NRXN3: variants seen among roughly 807,000 people sequenced by gnomAD.
NRXN3 encodes neurexin 3.
In NRXN3, 32 loss-of-function variants were observed where a neutral mutation model predicts 137.6. The ratio of observed to expected loss-of-function variants is 0.23; its 90% CI spans 0.18 to 0.31. The LOEUF is 0.31. Ranked by LOEUF, NRXN3 falls within the 10% of genes least tolerant of loss-of-function variation. The pLI, the probability that NRXN3 is intolerant of heterozygous loss-of-function variation, is 1.00. For synonymous variants in NRXN3, 798 were observed against 784.5 expected, an observed-to-expected ratio of 1.02 and a Z score of -0.29; for missense variants, 1,574 against 2,062.5, an observed-to-expected ratio of 0.76 and a Z score of 4.59.
chr14:79,863,686 A>G lies in NRXN3; in HGVS notation c.*1722A>G, dbSNP rs1418195037. ...TTTTTGTAAAGAGGAAACAATGTAC[A>G]GAAAAACAATAAACTGGTTGTATGG... On this transcript the variant is annotated 3_prime_UTR_variant, in exon 21 of 21. Transcript: ENST00000335750. 1.3e-5 allele frequency: 2 copies of G among 152,644 alleles called. No homozygotes were observed. Among genetic ancestry groups the G allele is most frequent in the African/African-American group, 4.8e-5 (2 of 41,452 alleles). 9.5% of individuals were successfully genotyped at this position (152,644 alleles called of 1,614,324 possible). A position where few individuals can be genotyped will look rare whatever the true frequency, so the allele number is the denominator to read the frequency against.
intron 4 of NRXN3, among the ~76,000 whole-genome samples, chr14:78,466,667 G>A (rs2095116271): frequency 6.6e-6 from 1 of 152,182 alleles, no homozygotes; most frequent in Non-Finnish European, 1.5e-5. Context: ...ATTTTCAGAT[G>A]CAAAGTAAAG....
chr14:79,766,965 T>C (rs754952739), intron 19 of NRXN3, among the ~76,000 whole-genome samples: 2 of 152,168 alleles, frequency 1.3e-5, no homozygotes, highest in East Asian at 1.9e-4. Flanking sequence ...CAGGAAGTGG[T>C]AGATGGCAGA....
chr14:78,268,728 G>C (rs977965706), intron 2 of NRXN3, among the ~76,000 whole-genome samples: 3 of 152,174 alleles, frequency 2.0e-5, no homozygotes, highest in Admixed American at 6.5e-5. Context: ...TAGTTTCCTT[G>C]TCTGTTAAGT....
chr14:79,448,910 G>C (rs145821360), intron 15 of NRXN3, among the ~76,000 whole-genome samples: 1 of 152,328 alleles, frequency 6.6e-6, no homozygotes, highest in Non-Finnish European at 1.5e-5. Flanking sequence ...GAGGGAAAGT[G>C]AGCCAGCAGG....
chr14:78,728,655 T>C (rs1177082372), intron 8 of NRXN3, among the ~76,000 whole-genome samples: 1 of 152,066 alleles, frequency 6.6e-6, no homozygotes, highest in African/African-American at 2.4e-5. Context: ...CCCAGTGCTT[T>C]GGGAGATAGA....
chr14:78,218,765 C>T (rs2063539784), intron 1 of NRXN3, among the ~76,000 whole-genome samples: 1 of 152,170 alleles, frequency 6.6e-6, no homozygotes, highest in African/African-American at 2.4e-5. Context: ...GGTACCTAAG[C>T]TGTGAGAGTT....
intron 4 of NRXN3, 139 bp downstream of exon 4, chr14:78,297,999 C>G: frequency 2.1e-6 from 2 of 941,854 alleles, no homozygotes; most frequent in Non-Finnish European, 1.6e-6. Context: ...GGCTGCAGGA[C>G]CACCCTGCAG....
chr14:78,331,281 C>T (rs560767239), intron 4 of NRXN3, among the ~76,000 whole-genome samples: 73 of 152,266 alleles, frequency 4.8e-4, no homozygotes, highest in African/African-American at 1.5e-3. Flanking sequence ...CATGATTAGC[C>T]TTCTTTTTCT....
chr14:79,291,029 CAG>C (rs1598359280), intron 15 of NRXN3, among the ~76,000 whole-genome samples: 1 of 152,122 alleles, frequency 6.6e-6, no homozygotes, highest in East Asian at 1.9e-4. Flanking sequence ...ATAATTTGGG[CAG>C]AGAGAGGATC....
chr14:79,102,684 G>A (rs1184703678), intron 15 of NRXN3, among the ~76,000 whole-genome samples: 1 of 152,152 alleles, frequency 6.6e-6, no homozygotes, highest in Non-Finnish European at 1.5e-5. Flanking sequence ...GAGTGGTGGT[G>A]TCATAAAAAT....
chr14:79,208,996 T>C (rs1464640537), intron 15 of NRXN3, among the ~76,000 whole-genome samples: 1 of 152,214 alleles, frequency 6.6e-6, no homozygotes, highest in Non-Finnish European at 1.5e-5. Context: ...TGGAGTGCAG[T>C]GGTGTGATCT....
At chr14:78,546,009 T>A (rs1478087551) in intron 4 of NRXN3, among the ~76,000 whole-genome samples, 1 of 152,232 alleles carries the variant, frequency 6.6e-6, no homozygotes, top group Non-Finnish European at 1.5e-5. Flanking sequence ...CCATCTTACT[T>A]TTTTCTACCA....
intron 15 of NRXN3, among the ~76,000 whole-genome samples, chr14:79,238,995 T>C (rs989978112): frequency 1.6e-4 from 25 of 152,070 alleles, no homozygotes; most frequent in Non-Finnish European, 4.4e-5. Context: ...AAGCCCCCAC[T>C]TTTCCATGGG....
rs560287662 is a variant in NRXN3 at position 79,808,065 on chromosome 14, C to T, written c.4093+2875C>T. Among the ~76,000 whole-genome samples, 989 of 151,706 alleles carry T rather than the reference C, an allele frequency of 6.5e-3. 5 individuals carry two copies. The highest frequency in any genetic ancestry group is 0.017 in the Middle Eastern group (5 of 290). On this transcript the variant is annotated intron_variant, in intron 20 of 20. Transcript: ENST00000335750. ...CAGCCTGGCCAAGAGGGTGAAACCC[C>T]GTCTCTACTAATAATACAAAAAATT...
At chr14:79,320,075 T>A (rs1210385263) in intron 15 of NRXN3, among the ~76,000 whole-genome samples, 1 of 152,122 alleles carries the variant, frequency 6.6e-6, no homozygotes, top group Non-Finnish European at 1.5e-5. Context: ...AAAGAAGACA[T>A]TAACAAAAAA....
intron 15 of NRXN3, among the ~76,000 whole-genome samples, chr14:79,035,438 A>T (rs565952542): frequency 6.6e-6 from 1 of 152,154 alleles, no homozygotes; most frequent in African/African-American, 2.4e-5. Flanking sequence ...TTCTCCTTTG[A>T]CAGCCATTCA....
chr14:79,103,543 C>T (rs1011392408), intron 15 of NRXN3, among the ~76,000 whole-genome samples: 3 of 151,950 alleles, frequency 2.0e-5, no homozygotes, highest in East Asian at 1.9e-4. Context: ...GCCTGGAGTT[C>T]GGGAGGGAAG....
rs2097675950 is a variant in NRXN3, at chr14:78,645,345, C to A, written c.983C>A (p.Ala328Asp). ...AACCTGGGGTCCGGGGCCTTTGAGG[C>A]CATTGTGGAGCCAGTGAATGGAAAA... ...VINLGSGAFE[A>D]IVEPVNGKFN... Residue 328 changes from alanine to aspartate, a missense_variant, in exon 5 of 21, where the codon GCC becomes GAC. Coordinates refer to ENST00000335750, the MANE Select transcript of NRXN3 (RefSeq NM_001330195.2). The A allele has an allele frequency of 6.3e-7, 1 of 1,598,430 alleles. No homozygotes were observed. Among genetic ancestry groups the A allele is most frequent in the Non-Finnish European group, 8.5e-7 (1 of 1,179,532 alleles).
chr14:78,228,107 C>A (rs2064914147), intron 1 of NRXN3, among the ~76,000 whole-genome samples: 1 of 151,686 alleles, frequency 6.6e-6, no homozygotes, highest in Admixed American at 6.6e-5. Flanking sequence ...ACAATCAAAC[C>A]CAATCAAACC....
Sources: gnomAD v4.1 joint callset for allele counts (sites outside exome capture counted in the v4.1 genomes callset) on GRCh38, gnomAD v4.1.1 for gene constraint, MANE v1.5 for transcripts, NCBI Gene and HGNC (gene_info 2026-07-23, HGNC 2026-07-21) for gene names.